Variants in ZNF469 observed in about 807,000 individuals in gnomAD.
ZNF469 encodes the protein zinc finger protein 469.
Under a neutral mutation model 1.0 loss-of-function variants are expected in ZNF469, and 1 was observed. The ratio of observed to expected loss-of-function variants is 1.00; its 90% CI spans 0.35 to 4.73. The LOEUF is 4.73. Ranked by LOEUF, ZNF469 falls within the 30% of genes most tolerant of loss-of-function variation. The pLI is 0.16. For synonymous variants in ZNF469, 2,703 were observed against 2,363.4 expected (o/e 1.14, Z -4.17); for missense variants, 6,100 against 5,356.3 (o/e 1.14, Z -4.33).
At chr16:88,338,013 C>T in the ZNF469 span, among the ~76,000 whole-genome samples, 1 of 152,158 alleles carries the variant, frequency 6.6e-6, no homozygotes, top group Admixed American at 6.5e-5. Context: ...TCTATTTTTC[C>T]TCTGGTTGCT....
At chr16:88,214,509 T>C in the ZNF469 span, among the ~76,000 whole-genome samples, 1 of 152,236 alleles carries the variant, frequency 6.6e-6, no homozygotes, top group East Asian at 1.9e-4. Context: ...TTTTAGTTCT[T>C]TATTTTATTA....
the ZNF469 span, among the ~76,000 whole-genome samples, chr16:88,241,480 C>T: frequency 6.6e-6 from 1 of 152,152 alleles, no homozygotes; most frequent in East Asian, 1.9e-4. This position sits in a 1 kb window ranked among gnomAD's most constrained non-coding sequence, Gnocchi z 4.8. Flanking sequence ...GGGGACAGTG[C>T]TCTCACTGGG....
chr16:88,251,612 G>A, the ZNF469 span, among the ~76,000 whole-genome samples: 1 of 120,846 alleles, frequency 8.3e-6, no homozygotes, highest in African/African-American at 3.3e-5. Flanking sequence ...AGGTTACAAT[G>A]CAGTGGCGTG....
chr16:88,214,322 T>A, the ZNF469 span, among the ~76,000 whole-genome samples: 1 of 152,154 alleles, frequency 6.6e-6, no homozygotes, highest in Non-Finnish European at 1.5e-5. Flanking sequence ...ATGTTCTCCA[T>A]GTGAGGGCTG....
chr16:88,122,353 C>T, the ZNF469 span, among the ~76,000 whole-genome samples: 1 of 151,264 alleles, frequency 6.6e-6, no homozygotes, highest in Non-Finnish European at 1.5e-5. Flanking sequence ...TCGGATCACA[C>T]TCCATCACCC....
At chr16:88,214,503 A>G in the ZNF469 span, among the ~76,000 whole-genome samples, 1 of 150,436 alleles carries the variant, frequency 6.6e-6, no homozygotes, top group Non-Finnish European at 1.5e-5. Context: ...GTTTTATTTT[A>G]GTTCTTTATT....
the ZNF469 span, among the ~76,000 whole-genome samples, chr16:88,115,386 C>T: frequency 6.6e-6 from 1 of 151,862 alleles, no homozygotes; most frequent in Non-Finnish European, 1.5e-5. Flanking sequence ...GGCTGATCAG[C>T]CAAGGTTGCT....
In ZNF469 at chr16:88,424,736, C is replaced by T. The variant is rs1905626638; in HGVS notation, c.-191-71C>T. ...CCAGGAGCCGCTCCCTCCCACCTGG[C>T]TTCTCCTCGGGCTCTTGGTCCAGAG... On this transcript the variant is annotated intron_variant, in intron 1 of 2. Transcript: ENST00000565624. This position sits in a 1 kb window ranked among gnomAD's most constrained non-coding sequence, Gnocchi z 4.3. Among the ~76,000 whole-genome samples, 1 of 152,158 alleles carries T rather than the reference C, an allele frequency of 6.6e-6. No homozygotes were observed. Among genetic ancestry groups the T allele is most frequent in the African/African-American group, 2.4e-5 (1 of 41,442 alleles).
chr16:88,438,734 G>A lies in ZNF469; in HGVS notation c.11264G>A (p.Gly3755Glu). 6.5e-7 allele frequency: 1 copy of A among 1,550,060 alleles called. No individual in the cohort carries two copies. Among genetic ancestry groups the A allele is most frequent in the Non-Finnish European group, 8.7e-7 (1 of 1,146,858 alleles). The change falls in exon 3 of 3, where the codon GGG becomes GAG. Residue 3755 changes from glycine (G) to glutamate (E), a missense_variant. Physicochemically the swap from Gly to Glu is moderately conservative, Grantham distance 98 (BLOSUM62 -2). Transcript: ENST00000565624. ...GGGSQPQPASGQLQSETATTP... is the reference protein window; with the variant it reads ...GGGSQPQPASEQLQSETATTP... ...GGCAGCCAGCCCCAGCCAGCCAGCG[G>A]GCAGCTCCAGAGCGAGACAGCCACC...
At position 88,434,724 on chromosome 16, in the gene ZNF469, C is replaced by G; in HGVS notation, c.7254C>G (p.Phe2418Leu). The stretch of plus-strand genomic sequence containing the variant: ...CCCCAAGCAGCACAGCCAGTGACTT[C>G]CAGTCTGACTCCCCCCAAAGCCACA... ...TTAPSSTASD[F>L]QSDSPQSHRN... Residue 2418 changes from phenylalanine to leucine, a missense_variant, in exon 3 of 3, where the codon TTC becomes TTG. Coordinates refer to ENST00000565624, the MANE Select transcript of ZNF469 (RefSeq NM_001367624.2). The G allele has an allele frequency of 6.4e-7, 1 of 1,550,396 alleles. No individual in the cohort carries two copies. Among genetic ancestry groups the G allele is most frequent in the Non-Finnish European group, 8.7e-7 (1 of 1,146,988 alleles).
chr16:88,333,074 C>A, the ZNF469 span, among the ~76,000 whole-genome samples: 12 of 152,184 alleles, frequency 7.9e-5, no homozygotes, highest in Non-Finnish European at 1.3e-4. Flanking sequence ...TGGCGGTAAA[C>A]CTTAGAGGGA....
At chr16:88,106,772 G>T in the ZNF469 span, among the ~76,000 whole-genome samples, 1 of 152,256 alleles carries the variant, frequency 6.6e-6, no homozygotes, top group Non-Finnish European at 1.5e-5. Flanking sequence ...GGGATGCCAT[G>T]GGACGGAGCT....
chr16:88,382,269 C>T (rs1272489130), upstream of ZNF469, among the ~76,000 whole-genome samples: 2 of 152,252 alleles, frequency 1.3e-5, no homozygotes, highest in Non-Finnish European at 2.9e-5. Context: ...TGGCCTTGGG[C>T]AGGTTCCTTG....
At chr16:88,341,191 A>G in the ZNF469 span, among the ~76,000 whole-genome samples, 1 of 152,172 alleles carries the variant, frequency 6.6e-6, no homozygotes, top group African/African-American at 2.4e-5. Context: ...AGCCCTTCTT[A>G]GCTCACAGGC....
chr16:88,296,706 A>C, the ZNF469 span, among the ~76,000 whole-genome samples: 1 of 151,570 alleles, frequency 6.6e-6, no homozygotes, highest in African/African-American at 2.4e-5. Flanking sequence ...GTGCAGACCC[A>C]TGCTCTCACA....
chr16:88,239,235 T>C, the ZNF469 span, among the ~76,000 whole-genome samples: 2 of 152,214 alleles, frequency 1.3e-5, no homozygotes, highest in Non-Finnish European at 2.9e-5. Context: ...TTGTTCATTT[T>C]ATAATCCAGA....
the ZNF469 span, among the ~76,000 whole-genome samples, chr16:88,128,956 G>T: frequency 3.0e-4 from 46 of 152,380 alleles, no homozygotes; most frequent in African/African-American, 1.1e-3. Context: ...GAGAACCTTC[G>T]ATGACTGGAA....
the ZNF469 span, among the ~76,000 whole-genome samples, chr16:88,226,170 T>G: frequency 6.6e-6 from 1 of 152,200 alleles, no homozygotes; most frequent in Non-Finnish European, 1.5e-5. Flanking sequence ...TCCACCTTGT[T>G]AAAGTCCTGA....
chr16:88,132,809 G>C, the ZNF469 span, among the ~76,000 whole-genome samples: 1 of 152,206 alleles, frequency 6.6e-6, no homozygotes, highest in African/African-American at 2.4e-5. Context: ...TGAAGTCAGA[G>C]GTGGAGGCCT....
Sources: allele counts gnomAD v4.1 joint callset (sites outside exome capture counted in the v4.1 genomes callset), GRCh38; gene constraint gnomAD v4.1.1; non-coding constraint Gnocchi (gnomAD v3.1); transcripts MANE v1.5; gene names NCBI Gene and HGNC (gene_info 2026-07-23, HGNC 2026-07-21).